Variants in APOLD1 observed in about 807,000 individuals in gnomAD.
APOLD1 encodes apolipoprotein L domain-containing protein 1.
APOLD1 carries 22 observed loss-of-function variants against 15.3 expected under a neutral mutation model. The ratio of observed to expected loss-of-function variants is 1.44; its 90% confidence interval spans 1.03 to 2.05. The LOEUF is 2.05. Ranked by LOEUF, APOLD1 falls within the 30% of genes most tolerant of loss-of-function variation. APOLD1 has a pLI of 0.00. For missense variants in APOLD1, 394 were observed against 353.5 expected, an observed-to-expected ratio of 1.11 and a Z score of -0.92; for synonymous variants, 190 against 167.4, an observed-to-expected ratio of 1.13 and a Z score of -1.04.
At chr12:12,746,544 C>T (rs1946768414) in intron 1 of APOLD1, among the ~76,000 whole-genome samples, 2 of 132,300 alleles carry the variant, frequency 1.5e-5, no homozygotes, top group African/African-American at 6.6e-5. Context: ...CATATTGCTC[C>T]AAATGGTGAA....
intron 1 of APOLD1, among the ~76,000 whole-genome samples, chr12:12,779,505 G>A (rs1036140474): frequency 6.6e-5 from 10 of 152,130 alleles, no homozygotes; most frequent in Admixed American, 3.9e-4. Context: ...TTATAAATGG[G>A]TTCTTCTGGA....
At chr12:12,772,793 A>G (rs547788005) in intron 1 of APOLD1, among the ~76,000 whole-genome samples, 1 of 152,380 alleles carries the variant, frequency 6.6e-6, no homozygotes, top group African/African-American at 2.4e-5. Context: ...GTCTACTCTC[A>G]GACCACAATG....
rs188299043 is a variant in APOLD1 at position 12,759,040 on chromosome 12, G to T, written c.97-27869G>T. 6.6e-3 allele frequency among the ~76,000 whole-genome samples: 1,003 copies of T among 152,266 alleles called. 9 individuals carry two copies. Among genetic ancestry groups the T allele is most frequent in the Non-Finnish European group, 7.9e-3 (536 of 68,028 alleles). ...GACTAATGGGCAGGGAGCGCCTACA[G>T]TGTGGTTCAGCTGGACAAAAGGAGG... On this transcript the variant is annotated intron_variant, in intron 1 of 1. Transcript: ENST00000326765.
intron 1 of APOLD1, among the ~76,000 whole-genome samples, chr12:12,761,570 A>C (rs1002953867): frequency 2.0e-5 from 3 of 152,018 alleles, no homozygotes; most frequent in Non-Finnish European, 2.9e-5. Context: ...AAGCATATAC[A>C]CACACACATA....
intron 1 of APOLD1, among the ~76,000 whole-genome samples, chr12:12,741,511 G>T (rs574634780): frequency 5.3e-5 from 8 of 152,292 alleles, no homozygotes; most frequent in Admixed American, 6.5e-5. Context: ...ATTGTGCCCG[G>T]CCCCAACCCA....
intron 1 of APOLD1, among the ~76,000 whole-genome samples, chr12:12,743,556 T>C (rs1957214793): frequency 6.6e-6 from 1 of 152,154 alleles, no homozygotes; most frequent in Non-Finnish European, 1.5e-5. Context: ...CCTGCTTTGT[T>C]TTCTCCACAG....
chr12:12,732,236 C>G (rs1383553886), intron 1 of APOLD1, among the ~76,000 whole-genome samples: 1 of 152,172 alleles, frequency 6.6e-6, no homozygotes, highest in Non-Finnish European at 1.5e-5. Context: ...TGTTAGGTTA[C>G]AGCTAACCGT....
In APOLD1 at chr12:12,780,262, T is replaced by G. The variant is rs971685768; in HGVS notation, c.97-6647T>G. ...TATTTTAATTTGCTTTTTTTTTTTT[T>G]GAGACAATGTCTGGCTCTATTGCCC... On this transcript the variant is annotated intron_variant, in intron 1 of 1. Transcript: ENST00000326765. 5.7e-5 allele frequency among the ~76,000 whole-genome samples: 8 copies of G among 140,936 alleles called. No individual in the cohort carries two copies. In the East Asian group the frequency reaches 1.5e-3, roughly 26 times the overall value. 92.5% of individuals were successfully genotyped at this position (140,936 alleles called of 152,430 possible). A position where few individuals can be genotyped will look rare whatever the true frequency, so the allele number is the denominator to read the frequency against.
intron 1 of APOLD1, chr12:12,771,417 C>A: frequency 2.4e-6 from 1 of 409,084 alleles, no homozygotes; most frequent in Non-Finnish European, 4.7e-6. Context: ...CATTATTATC[C>A]CACAAGAGGT....
chr12:12,736,923 G>A (rs574096865), intron 1 of APOLD1, among the ~76,000 whole-genome samples: 1 of 152,288 alleles, frequency 6.6e-6, no homozygotes, highest in East Asian at 1.9e-4. Context: ...GCTCCACCCC[G>A]CTACCAGTCT....
upstream of APOLD1, among the ~76,000 whole-genome samples, chr12:12,781,348 A>G (rs976788966): frequency 3.3e-5 from 5 of 151,826 alleles, no homozygotes; most frequent in African/African-American, 7.2e-5. Context: ...GGAGGCTGAG[A>G]CAGGAGAATT....
chr12:12,787,040 G>T lies in APOLD1; in HGVS notation c.135G>T (p.Leu45=). The part of the protein sequence containing the change: ...VLRLREVARR[L]ERLRRRSLVA... ...GCCTGCGCGAGGTGGCCCGGCGCCTGGAGCGCCTGCGCAGGCGCTCCCTCG... is the reference window on the plus strand; with the variant it reads ...GCCTGCGCGAGGTGGCCCGGCGCCTTGAGCGCCTGCGCAGGCGCTCCCTCG... The change falls in exon 2 of 2, where the codon CTG becomes CTT. Residue 45 remains leucine (L), a synonymous_variant. Transcript: ENST00000356591. The surrounding 1 kb of genome is among the most constrained non-coding windows in gnomAD (Gnocchi z 4.9). 1 of 1,374,894 alleles carries T rather than the reference G, an allele frequency of 7.3e-7. No homozygotes were observed. The highest frequency in any genetic ancestry group is 9.3e-7 in the Non-Finnish European group (1 of 1,074,828). The allele number at this position is 1,374,894 out of a possible 1,614,324, so 85.2% of individuals were successfully genotyped here.
upstream of APOLD1, among the ~76,000 whole-genome samples, chr12:12,784,351 T>G (rs1164499257): frequency 6.6e-6 from 1 of 152,146 alleles, no homozygotes; most frequent in Non-Finnish European, 1.5e-5. Context: ...ACCATGTCTA[T>G]GGAGATAGAG....
chr12:12,781,650 C>A (rs2136398470), upstream of APOLD1, among the ~76,000 whole-genome samples: 1 of 151,256 alleles, frequency 6.6e-6, no homozygotes, highest in Admixed American at 6.6e-5. Context: ...GCCTCAGCCT[C>A]CCGAATAGCT....
intron 1 of APOLD1, among the ~76,000 whole-genome samples, chr12:12,786,380 T>G (rs1651238936): frequency 6.6e-6 from 1 of 152,140 alleles, no homozygotes; most frequent in African/African-American, 2.4e-5. Flanking sequence ...CTTAGATGTT[T>G]CTTCTGCTTG....
chr12:12,738,879 C>T (rs556417813), intron 1 of APOLD1, among the ~76,000 whole-genome samples: 2 of 152,146 alleles, frequency 1.3e-5, no homozygotes, highest in South Asian at 2.1e-4. Flanking sequence ...GAACTATAGG[C>T]GATGCCACAC....
chr12:12,745,569 G>A (rs931465880), intron 1 of APOLD1, among the ~76,000 whole-genome samples: 8 of 152,184 alleles, frequency 5.3e-5, no homozygotes, highest in African/African-American at 1.9e-4. Flanking sequence ...AGACATAAGT[G>A]AGCTGTACAA....
chr12:12,746,777 C>T (rs1010231140), intron 1 of APOLD1, among the ~76,000 whole-genome samples: 14 of 151,898 alleles, frequency 9.2e-5, no homozygotes, highest in African/African-American at 2.4e-5. Flanking sequence ...AGCTTTTCAG[C>T]CCTTCTCTCT....
chr12:12,743,476 A>G (rs1371778298), intron 1 of APOLD1, among the ~76,000 whole-genome samples: 1 of 152,208 alleles, frequency 6.6e-6, no homozygotes, highest in Admixed American at 6.5e-5. Flanking sequence ...AAGCAAAAGC[A>G]GAGGGCCTTT....
Sources: gnomAD v4.1 joint callset for allele counts (sites outside exome capture counted in the v4.1 genomes callset) on GRCh38, gnomAD v4.1.1 for gene constraint, Gnocchi (gnomAD v3.1) non-coding constraint, MANE v1.5 for transcripts, NCBI Gene and HGNC (gene_info 2026-07-23, HGNC 2026-07-21) for gene names.